Variants in ZMYM4 observed in about 807,000 individuals in gnomAD.
ZMYM4 encodes zinc finger MYM-type protein 4.
A neutral mutation model predicts 183.2 loss-of-function variants in ZMYM4; 31 were observed. The observed-to-expected ratio is 0.17, with a 90% confidence interval of 0.13 to 0.23. The LOEUF is 0.23. ZMYM4 is among the 10% of genes least tolerant of loss of function. The pLI is 1.00. For synonymous variants in ZMYM4, 592 were observed against 631.2 expected, an observed-to-expected ratio of 0.94 and a Z score of 0.93; for missense variants, 1,273 against 1,840.3, an observed-to-expected ratio of 0.69 and a Z score of 5.64.
Position 35,268,823 on chromosome 1 carries a change from G to C in ZMYM4, c.-224G>C. 2.6e-6 allele frequency: 1 copy of C among 385,228 alleles called. No individual in the cohort carries two copies. Among genetic ancestry groups the C allele is most frequent in the Non-Finnish European group, 4.5e-6 (1 of 223,666 alleles). The allele number at this position is 385,228 out of a possible 1,614,324, so 23.9% of individuals were successfully genotyped here. ...CCCCCCGAGTCCCGGCCCCCACCCC[G>C]TCCCCGGGCAGGCCCTCCCGCCCAC... On this transcript the variant is annotated 5_prime_UTR_variant, in exon 1 of 30. Coordinates refer to ENST00000314607, the MANE Select transcript of ZMYM4 (RefSeq NM_005095.3).
At chr1:35,324,745 G>A (rs1642432217) in intron 1 of ZMYM4, among the ~76,000 whole-genome samples, 1 of 152,166 alleles carries the variant, frequency 6.6e-6, no homozygotes, top group Non-Finnish European at 1.5e-5. Context: ...TCCAAAGTAA[G>A]GAGGCCTTCA....
intron 2 of ZMYM4, among the ~76,000 whole-genome samples, chr1:35,330,891 G>A (rs1642711584): frequency 6.6e-6 from 1 of 152,074 alleles, no homozygotes; most frequent in African/African-American, 2.4e-5. Context: ...ATTATTATTC[G>A]ATGAAATAGT....
intron 27 of ZMYM4, 110 bp downstream of exon 27, chr1:35,414,193 C>A: frequency 2.8e-6 from 2 of 704,456 alleles, no homozygotes. Flanking sequence ...CAGATTTATA[C>A]CATATTTGGA....
At position 35,419,551 on chromosome 1, in the gene ZMYM4, C is replaced by T. The variant is rs1285244116; in HGVS notation, c.4521C>T (p.Tyr1507=). The T allele has an allele frequency of 6.2e-7, 1 of 1,613,894 alleles. No homozygotes were observed. The highest frequency in any genetic ancestry group is 8.5e-7 in the Non-Finnish European group (1 of 1,179,996). Residue 1507 remains tyrosine, a synonymous_variant, in exon 30 of 30, where the codon TAC becomes TAT. Coordinates refer to ENST00000314607, the MANE Select transcript of ZMYM4 (RefSeq NM_005095.3). The part of the protein sequence containing the change: ...RSCVPNSPMW[Y]STFPIDPGTL... ...GTGTCCCGAATAGCCCCATGTGGTACTCCACATTCCCGATAGACCCTGGAA... is the reference window on the plus strand; with the variant it reads ...GTGTCCCGAATAGCCCCATGTGGTATTCCACATTCCCGATAGACCCTGGAA...
intron 15 of ZMYM4, 127 bp from the exon 16 acceptor site, chr1:35,392,085 A>G (rs1644717750): frequency 8.0e-7 from 1 of 1,242,342 alleles, no homozygotes; most frequent in Non-Finnish European, 1.1e-6. Context: ...AGTTAATCCT[A>G]AAGTGACTTT....
chr1:35,354,964 A>G (rs1643763631), intron 2 of ZMYM4, among the ~76,000 whole-genome samples: 1 of 151,668 alleles, frequency 6.6e-6, no homozygotes, highest in Admixed American at 6.6e-5. Flanking sequence ...TTCTTTGTAT[A>G]TATTTTAGTC....
chr1:35,391,899 G>A (rs1029014105), intron 15 of ZMYM4, among the ~76,000 whole-genome samples: 5 of 151,218 alleles, frequency 3.3e-5, no homozygotes, highest in African/African-American at 1.2e-4. Context: ...AAATTAGCTG[G>A]GTGTGGTGCT....
At chr1:35,302,337 GCTGGGACTACAGGC>G (rs1489657994) in intron 1 of ZMYM4, among the ~76,000 whole-genome samples, 1 of 149,180 alleles carries the variant, frequency 6.7e-6, no homozygotes, top group East Asian at 2.0e-4. Context: ...CTCTGGAGAA[GCTGGGACTACAGGC>G]CTGTGCCAGC....
At chr1:35,276,268 C>T (rs1031861951) in intron 1 of ZMYM4, among the ~76,000 whole-genome samples, 4 of 139,964 alleles carry the variant, frequency 2.9e-5, no homozygotes, top group Admixed American at 1.4e-4. Flanking sequence ...CCCTCCTTCC[C>T]TCCCTCCCTC....
chr1:35,306,300 C>T (rs78201023), intron 1 of ZMYM4, among the ~76,000 whole-genome samples: 3,959 of 152,018 alleles, frequency 0.026, 70 homozygotes, highest in Non-Finnish European at 0.038. Context: ...TATCTCTCTC[C>T]CTTCCTTTTT....
chr1:35,314,387 C>T (rs12069385), intron 1 of ZMYM4, among the ~76,000 whole-genome samples: 9,889 of 151,858 alleles, frequency 0.065, 949 homozygotes, highest in East Asian at 0.45. Flanking sequence ...CGGGTTCCAG[C>T]GATTCTCCTG....
Position 35,302,200 on chromosome 1 carries a change from C to CTTTTTTTTTTTTTTTTTT in ZMYM4, c.40-23152_40-23135dup, listed in dbSNP as rs576277396. Among the ~76,000 whole-genome samples the CTTTTTTTTTTTTTTTTTT allele has an allele frequency of 1.7e-4, 10 of 58,550 alleles. 2 individuals are homozygous for CTTTTTTTTTTTTTTTTTT. Among genetic ancestry groups the CTTTTTTTTTTTTTTTTTT allele is most frequent in the African/African-American group, 6.4e-4 (10 of 15,524 alleles). 38.4% of individuals were successfully genotyped at this position (58,550 alleles called of 152,430 possible). A position where few individuals can be genotyped will look rare whatever the true frequency, so the allele number is the denominator to read the frequency against. ...ATCCACAAGCTAAAAACGGCTCTTG[C>CTTTTTTTTTTTTTTTTTT]TTTTTTTTTTTTTTTTTTTTTTTTT... is the stretch of plus-strand genomic sequence containing the variant. On this transcript the variant is annotated intron_variant, in intron 1 of 29. Transcript: ENST00000314607.
At chr1:35,392,554 G>A in intron 16 of ZMYM4, 93 bp from the exon 17 acceptor site, 1 of 1,315,700 alleles carries the variant, frequency 7.6e-7, no homozygotes, top group Non-Finnish European at 1.1e-6. Context: ...TTCTTAGTAT[G>A]AGGGTTTGTG....
chr1:35,296,843 CTTTTTTT>C (rs780202714), intron 1 of ZMYM4, among the ~76,000 whole-genome samples: 15 of 95,602 alleles, frequency 1.6e-4, no homozygotes, highest in Non-Finnish European at 2.2e-4. Context: ...TTCTTTCTTT[CTTTTTTT>C]TTTTTTTTTT....
At chr1:35,296,439 T>C (rs551597967) in intron 1 of ZMYM4, among the ~76,000 whole-genome samples, 3 of 152,348 alleles carry the variant, frequency 2.0e-5, no homozygotes, top group Middle Eastern at 3.4e-3. Context: ...CTAACCACCT[T>C]AGTGTAATAT....
intron 5 of ZMYM4, among the ~76,000 whole-genome samples, chr1:35,363,959 C>G (rs1022684326): frequency 2.0e-5 from 3 of 151,842 alleles, no homozygotes; most frequent in African/African-American, 7.3e-5. Flanking sequence ...TTCCTTGGGA[C>G]AAAAAGGCAC....
chr1:35,334,204 A>T (rs931945773), intron 2 of ZMYM4, among the ~76,000 whole-genome samples: 9 of 152,154 alleles, frequency 5.9e-5, no homozygotes, highest in African/African-American at 1.7e-4. Context: ...CTGTAGTCCC[A>T]GCTACTTGAG....
intron 23 of ZMYM4, among the ~76,000 whole-genome samples, chr1:35,402,931 C>A (rs1644936880): frequency 6.6e-6 from 1 of 152,130 alleles, no homozygotes. Flanking sequence ...TGAGAGCAGA[C>A]CTTTTTGCCT....
chr1:35,330,290 G>A (rs1642681956), intron 2 of ZMYM4, among the ~76,000 whole-genome samples: 1 of 152,020 alleles, frequency 6.6e-6, no homozygotes, highest in Non-Finnish European at 1.5e-5. Context: ...AAGAAAAGGA[G>A]TTTATTTCTC....
Sources: gnomAD v4.1 joint callset for allele counts (sites outside exome capture counted in the v4.1 genomes callset) on GRCh38, gnomAD v4.1.1 for gene constraint, MANE v1.5 for transcripts, NCBI Gene and HGNC (gene_info 2026-07-23, HGNC 2026-07-21) for gene names.